BIVM: variants seen among roughly 807,000 people sequenced by gnomAD.
BIVM encodes basic, immunoglobulin-like variable motif containing.
Under a neutral mutation model 61.4 loss-of-function variants are expected in BIVM, and 31 were observed. That is an observed-to-expected ratio of 0.51 (90% CI 0.38 to 0.68). The LOEUF (loss-of-function observed/expected upper bound fraction) is 0.68, where lower values mean the gene tolerates loss of function less well. BIVM is among the 30% of genes least tolerant of loss of function. The pLI, the probability that BIVM is intolerant of heterozygous loss-of-function variation, is 0.00. For missense variants in BIVM, 526 were observed against 596.0 expected, an observed-to-expected ratio of 0.88 and a Z score of 1.22; for synonymous variants, 189 against 210.7, an observed-to-expected ratio of 0.90 and a Z score of 0.89.
intron 7 of BIVM, among the ~76,000 whole-genome samples, chr13:102,829,867 T>A (rs9557940): frequency 0.79 from 111,322 of 141,494 alleles, 42,039 homozygotes; most frequent in Non-Finnish European, 0.85. Context: ...AAATAAATAA[T>A]TAAATAAATG....
At chr13:102,833,327 G>GTTTTTTTTTTTTTT (rs532303115) in intron 8 of BIVM, among the ~76,000 whole-genome samples, 6,859 of 79,146 alleles carry the variant, frequency 0.087, 1,628 homozygotes, top group Middle Eastern at 0.12. Context: ...GATAGGATGG[G>GTTTTTTTTTTTTTT]TTTTTTTTTT....
intron 7 of BIVM, among the ~76,000 whole-genome samples, chr13:102,829,947 C>T (rs994937711): frequency 2.0e-5 from 3 of 151,920 alleles, no homozygotes; most frequent in Admixed American, 2.0e-4. Flanking sequence ...TTGGATTGTC[C>T]CACAGTAGGC....
intron 8 of BIVM, among the ~76,000 whole-genome samples, chr13:102,834,159 A>T (rs1453307522): frequency 1.3e-5 from 2 of 152,216 alleles, no homozygotes; most frequent in Non-Finnish European, 2.9e-5. Flanking sequence ...TAGTGAAAGG[A>T]GAAGAGTAGT....
In BIVM at chr13:102,807,281, C is replaced by A. The variant is rs1326726615; in HGVS notation, c.14C>A (p.Ala5Glu). MPNV[A>E]ETERSNDSGN... ...ACACTGCATTCAATGCCTAACGTTG[C>A]AGAAACAGAAAGGTCAAATGATTCT... The change falls in exon 3 of 11, where the codon GCA becomes GAA. Residue 5 changes from alanine to glutamate, a missense_variant. By Grantham distance (107) the Ala-to-Glu change is moderately radical. This residue lies in a region of BIVM where 312 missense variants were observed against 343.8 expected (regional missense o/e 0.91). Transcript: ENST00000257336. This position sits in a 1 kb window ranked among gnomAD's most constrained non-coding sequence, Gnocchi z 4.0. 6.2e-7 allele frequency: 1 copy of A among 1,605,886 alleles called. No homozygotes were observed. The highest frequency in any genetic ancestry group is 8.5e-7 in the Non-Finnish European group (1 of 1,173,934).
At chr13:102,815,663 T>C (rs1879819311) in intron 3 of BIVM, among the ~76,000 whole-genome samples, 1 of 152,220 alleles carries the variant, frequency 6.6e-6, no homozygotes, top group African/African-American at 2.4e-5. Flanking sequence ...AAATTCTCAC[T>C]CTTACTTTTG....
intron 3 of BIVM, among the ~76,000 whole-genome samples, chr13:102,811,874 A>G (rs940058601): frequency 4.6e-5 from 7 of 152,110 alleles, no homozygotes; most frequent in African/African-American, 1.7e-4. Context: ...AGTTCATCCT[A>G]TTTGGAATTT....
intron 7 of BIVM, among the ~76,000 whole-genome samples, chr13:102,825,353 C>T (rs1025167002): frequency 4.6e-5 from 7 of 152,180 alleles, no homozygotes; most frequent in African/African-American, 1.7e-4. Context: ...CTACCTCGGC[C>T]TCCCAAAGTG....
At chr13:102,832,577 C>T (rs933106932) in intron 8 of BIVM, among the ~76,000 whole-genome samples, 11 of 152,176 alleles carry the variant, frequency 7.2e-5, no homozygotes, top group Admixed American at 1.3e-4. Flanking sequence ...CCTCATCCAA[C>T]GTCCCACATG....
Position 102,821,019 on chromosome 13 carries a change from A to G in BIVM, c.606-18A>G, listed in dbSNP as rs749250254. 24 of 1,602,756 alleles carry G rather than the reference A, an allele frequency of 1.5e-5. No individual in the cohort carries two copies. The highest frequency in any genetic ancestry group is 2.0e-5 in the Non-Finnish European group (24 of 1,176,122). On this transcript the variant is annotated intron_variant, in intron 4 of 10. Coordinates refer to ENST00000257336, the MANE Select transcript of BIVM (RefSeq NM_017693.4). ...TTGTGTTCATTCAAGTGAAGAAAAC[A>G]GTCTTTTGTGTTCTCAGGTACTGCA...
chr13:102,829,390 T>C (rs2140489930), intron 7 of BIVM, among the ~76,000 whole-genome samples: 1 of 152,322 alleles, frequency 6.6e-6, no homozygotes, highest in East Asian at 1.9e-4. Flanking sequence ...GCTCTGCATT[T>C]GGTGGTGGTT....
chr13:102,819,619 G>C (rs1049158640), intron 4 of BIVM, among the ~76,000 whole-genome samples: 1 of 152,136 alleles, frequency 6.6e-6, no homozygotes, highest in Non-Finnish European at 1.5e-5. Context: ...GGGAACCGGG[G>C]ACAGGAGAGT....
rs754754811 is a variant in BIVM, at chr13:102,839,620, C to A, written c.1267C>A (p.Gln423Lys). 15 of 1,614,042 alleles carry A rather than the reference C, an allele frequency of 9.3e-6. No individual in the cohort carries two copies. Among genetic ancestry groups the A allele is most frequent in the Non-Finnish European group, 1.3e-5 (15 of 1,180,040 alleles). The change falls in exon 11 of 11, where the codon CAA becomes AAA. Residue 423 changes from glutamine (Q) to lysine (K), a missense_variant. Physicochemically the swap from Gln to Lys is moderately conservative, Grantham distance 53. This residue lies in a region of BIVM where 210 missense variants were observed against 233.1 expected (regional missense o/e 0.90). Coordinates refer to ENST00000257336, the MANE Select transcript of BIVM (RefSeq NM_017693.4). ...CATAGCATTCCAGAGACTTAACTGG[C>A]AAAGATTTGGCCTTTGGAACTTTCC... ...CIIAFQRLNW[Q>K]RFGLWNFPFG...
In BIVM at chr13:102,809,816, C is replaced by T. The variant is rs746377090; in HGVS notation, c.478+2071C>T. 1.1e-4 allele frequency among the ~76,000 whole-genome samples: 17 copies of T among 148,318 alleles called. 1 individual carries two copies. The highest frequency in any genetic ancestry group is 3.9e-4 in the East Asian group (2 of 5,084). ...TTTTTTTTTTTCTGAGACAGAGTCTCGCTCTGTCGCCCAGGCTGGAGTGCA... is the reference window on the plus strand; with the variant it reads ...TTTTTTTTTTTCTGAGACAGAGTCTTGCTCTGTCGCCCAGGCTGGAGTGCA... On this transcript the variant is annotated intron_variant, in intron 3 of 10. Transcript: ENST00000257336.
rs2139150206 is a variant in BIVM at position 102,807,397 on chromosome 13, C to A, written c.130C>A (p.Pro44Thr). 1 of 1,614,146 alleles carries A rather than the reference C, an allele frequency of 6.2e-7. No homozygotes were observed. Among genetic ancestry groups the A allele is most frequent in the South Asian group, 1.1e-5 (1 of 91,080 alleles). ...KSFCTSASGA[P>T]LGPKGDGHYP... Reference sequence around the variant, plus strand: ...TTTCTGCACAAGTGCCTCAGGAGCACCCTTGGGTCCCAAAGGAGATGGTCA... The same window carrying A: ...TTTCTGCACAAGTGCCTCAGGAGCAACCTTGGGTCCCAAAGGAGATGGTCA... Residue 44 changes from proline (P) to threonine (T), a missense_variant, in exon 3 of 11, where the codon CCC (proline) becomes ACC (threonine). Physicochemically the swap from Pro to Thr is conservative, Grantham distance 38 (BLOSUM62 -1). Coordinates refer to ENST00000257336, the MANE Select transcript of BIVM (RefSeq NM_017693.4). The surrounding 1 kb of genome is among the most constrained non-coding windows in gnomAD (Gnocchi z 4.0).
At chr13:102,804,271 A>C (rs1290395576) in intron 1 of BIVM, among the ~76,000 whole-genome samples, 1 of 151,444 alleles carries the variant, frequency 6.6e-6, no homozygotes, top group Non-Finnish European at 1.5e-5. Context: ...CAGCCTCCCG[A>C]GTAGCTGGGA....
chr13:102,826,553 A>G (rs970781137), intron 7 of BIVM, among the ~76,000 whole-genome samples: 1 of 152,176 alleles, frequency 6.6e-6, no homozygotes, highest in African/African-American at 2.4e-5. Flanking sequence ...ACCAAAATGC[A>G]TGTCTGGGAG....
rs183950954 is a variant in BIVM at position 102,825,147 on chromosome 13, A to G, written c.901+2988A>G. Among the ~76,000 whole-genome samples the G allele has an allele frequency of 5.7e-3, 874 of 152,140 alleles. 8 individuals are homozygous for G. Among genetic ancestry groups the G allele is most frequent in the African/African-American group, 0.016 (654 of 41,502 alleles). On this transcript the variant is annotated intron_variant, in intron 7 of 10. Coordinates refer to ENST00000257336, the MANE Select transcript of BIVM (RefSeq NM_017693.4). ...TTTTTAGTAGAGATGGGGTTTCACC[A>G]TGTTAGCCAGGATGGTCTCGATCTC... is the stretch of plus-strand genomic sequence containing the variant.
intron 1 of BIVM, among the ~76,000 whole-genome samples, chr13:102,802,431 G>A (rs939116998): frequency 3.3e-5 from 5 of 152,126 alleles, no homozygotes; most frequent in African/African-American, 1.2e-4. Flanking sequence ...GCAGTGTTTG[G>A]GTCGTGGGAT....
chr13:102,801,595 G>A (rs1381701088), intron 1 of BIVM: 2 of 151,988 alleles, frequency 1.3e-5, no homozygotes, highest in African/African-American at 4.8e-5. Context: ...CTGGAAGAGG[G>A]AACCGCAATC....
Sources: allele counts gnomAD v4.1 joint callset (sites outside exome capture counted in the v4.1 genomes callset), GRCh38; gene constraint gnomAD v4.1.1; regional missense constraint gnomAD v4.1.1; non-coding constraint Gnocchi (gnomAD v3.1); transcripts MANE v1.5; gene names NCBI Gene and HGNC (gene_info 2026-07-23, HGNC 2026-07-21).